ZNF844: variants seen among roughly 807,000 people sequenced by gnomAD.
ZNF844 encodes zinc finger protein 844.
In ZNF844, 11 loss-of-function variants were observed where a neutral mutation model predicts 11.4. That is an observed-to-expected ratio of 0.97 (90% CI 0.61 to 1.60). The LOEUF (loss-of-function observed/expected upper bound fraction) is 1.60. ZNF844 is among the 40% of genes most tolerant of loss of function. The pLI, the probability that ZNF844 is intolerant of heterozygous loss-of-function variation, is 0.00. For missense variants in ZNF844, 790 were observed against 796.8 expected, an observed-to-expected ratio of 0.99 and a Z score of 0.10; for synonymous variants, 248 against 260.3, an observed-to-expected ratio of 0.95 and a Z score of 0.46.
chr19:12,066,538 T>C (rs1223976714), intron 1 of ZNF844, among the ~76,000 whole-genome samples: 1 of 138,352 alleles, frequency 7.2e-6, no homozygotes, highest in Non-Finnish European at 1.6e-5. Flanking sequence ...TTCTTTTTTT[T>C]TTTTTTTTTT....
Position 12,074,377 on chromosome 19 carries a change from C to T in ZNF844, c.147C>T (p.Asp49=), listed in dbSNP as rs1247035519. The change falls in exon 3 of 4, where the codon GAC becomes GAT. Residue 49 remains aspartate, a synonymous_variant. Coordinates refer to ENST00000439326, the MANE Select transcript of ZNF844 (RefSeq NM_001136501.3). Reference sequence around the variant, plus strand: ...GTATTTTAGGAGAAAAATGGAAAGACCAGAACATTGAAGATCAGTACAAAA... The same window carrying T: ...GTATTTTAGGAGAAAAATGGAAAGATCAGAACATTGAAGATCAGTACAAAA... ...NLASIGEKWK[D]QNIEDQYKNP... is the part of the protein sequence containing the mutation. 5 of 1,533,678 alleles carry T rather than the reference C, an allele frequency of 3.3e-6. No homozygotes were observed. Among genetic ancestry groups the T allele is most frequent in the Non-Finnish European group, 3.5e-6 (4 of 1,141,688 alleles).
rs1044628561 is a variant in ZNF844 at position 12,081,162 on chromosome 19, T to C, written c.*4041T>C. On this transcript the variant is annotated 3_prime_UTR_variant, in exon 4 of 4. Transcript: ENST00000439326. The stretch of plus-strand genomic sequence containing the variant: ...CCCTACTTTGTATATTGAGTCAGTA[T>C]GAGATGCGATTTGTTTGGCAAGCAC... 4 of 152,212 alleles carry C rather than the reference T, an allele frequency of 2.6e-5. No individual in the cohort carries two copies. Among genetic ancestry groups the C allele is most frequent in the Non-Finnish European group, 5.9e-5 (4 of 68,052 alleles). 9.4% of individuals were successfully genotyped at this position (152,212 alleles called of 1,614,324 possible).
At chr19:12,072,276 C>T (rs1001508133) in intron 1 of ZNF844, among the ~76,000 whole-genome samples, 5 of 152,200 alleles carry the variant, frequency 3.3e-5, no homozygotes, top group South Asian at 2.1e-4. Context: ...ATGCATACCA[C>T]GTTTTCTTTA....
At position 12,075,906 on chromosome 19, in the gene ZNF844, C is replaced by T. The variant is rs778902146; in HGVS notation, c.786C>T (p.Phe262=). 78 of 1,606,734 alleles carry T rather than the reference C, an allele frequency of 4.9e-5. No homozygotes were observed. The highest frequency in any genetic ancestry group is 2.7e-4 in the African/African-American group (20 of 74,476). ...PYECKECGKA[F]GSPNSLYEHR... ...AATGTAAGGAATGTGGGAAAGCATT[C>T]GGTAGTCCCAATTCCCTTTATGAAC... Residue 262 remains phenylalanine, a synonymous_variant, in exon 4 of 4, where the codon TTC becomes TTT. Coordinates refer to ENST00000439326, the MANE Select transcript of ZNF844 (RefSeq NM_001136501.3).
chr19:12,080,346 CAAAA>C lies in ZNF844; in HGVS notation c.*3242_*3245del, dbSNP rs61413798. The C allele has an allele frequency of 6.1e-3, 1,039 of 170,840 alleles. No individual in the cohort carries two copies. The highest frequency in any genetic ancestry group is 8.5e-3 in the South Asian group (200 of 23,426). 10.6% of individuals were successfully genotyped at this position (170,840 alleles called of 1,614,324 possible). A position where few individuals can be genotyped will look rare whatever the true frequency, so the allele number is the denominator to read the frequency against. ...GCGGCGACAGAGCAAGACTCCGTCT[CAAAA>C]AAAAAAAAAAAAAAAAGAGAAGTCT... On this transcript the variant is annotated 3_prime_UTR_variant, in exon 4 of 4. Transcript: ENST00000439326.
At chr19:12,068,615 A>G (rs2145542587) in intron 1 of ZNF844, among the ~76,000 whole-genome samples, 1 of 152,324 alleles carries the variant, frequency 6.6e-6, no homozygotes, top group East Asian at 1.9e-4. Context: ...CTGGGCAACA[A>G]GAGTGAAACT....
chr19:12,067,744 G>A (rs1397256858), intron 1 of ZNF844, among the ~76,000 whole-genome samples: 2 of 150,570 alleles, frequency 1.3e-5, no homozygotes, highest in Admixed American at 6.7e-5. Context: ...GTGGAACTCC[G>A]TCTCTACTAA....
chr19:12,076,099 C>T lies in ZNF844; in HGVS notation c.979C>T (p.His327Tyr), dbSNP rs1975811489. The T allele has an allele frequency of 6.4e-7, 1 of 1,566,856 alleles. No homozygotes were observed. The highest frequency in any genetic ancestry group is 1.2e-5 in the South Asian group (1 of 86,400). ...AFKCPSYLCR[H>Y]EVTHSGKKPC... ...CAAGTGTCCCAGTTATCTTTGTAGA[C>T]ATGAAGTGACCCACTCTGGGAAAAA... is the stretch of plus-strand genomic sequence containing the variant. The change falls in exon 4 of 4, where the codon CAT (histidine) becomes TAT (tyrosine). Residue 327 changes from histidine (H) to tyrosine (Y), a missense_variant. His to Tyr is a moderately conservative substitution (Grantham distance 83). This residue lies in a region of ZNF844 where 657 missense variants were observed against 636.2 expected (regional missense o/e 1.03). Coordinates refer to ENST00000439326, the MANE Select transcript of ZNF844 (RefSeq NM_001136501.3).
Position 12,074,426 on chromosome 19 carries a change from T to C in ZNF844, c.191+5T>C, listed in dbSNP as rs1568359893. The C allele has an allele frequency of 6.5e-7, 1 of 1,530,950 alleles. No individual in the cohort carries two copies. The highest frequency in any genetic ancestry group is 8.8e-7 in the Non-Finnish European group (1 of 1,138,346). The allele number at this position is 1,530,950 out of a possible 1,614,324, so 94.8% of individuals were successfully genotyped here. ...AAATCCCAGGAATAATCTAAGGTGA[T>C]TTAAACTCACGAGACAAAGCAATGT... On this transcript the variant is annotated splice_donor_5th_base_variant and intron_variant, in intron 3 of 3. Coordinates refer to ENST00000439326, the MANE Select transcript of ZNF844 (RefSeq NM_001136501.3).
At position 12,076,929 on chromosome 19, in the gene ZNF844, C is replaced by T; in HGVS notation, c.1809C>T (p.Tyr603=). The T allele has an allele frequency of 6.3e-7, 1 of 1,597,760 alleles. No individual in the cohort carries two copies. The highest frequency in any genetic ancestry group is 1.1e-5 in the South Asian group (1 of 88,732). The change falls in exon 4 of 4, where the codon TAC becomes TAT. Residue 603 remains tyrosine, a synonymous_variant. Coordinates refer to ENST00000439326, the MANE Select transcript of ZNF844 (RefSeq NM_001136501.3). ...CATATCTGCCAAGATCCTTCGAGTA[C>T]ATGCAAGAACACACCCTGGAGAGAA... is the stretch of plus-strand genomic sequence containing the variant. The part of the protein sequence containing the change: ...KHSYLPRSFE[Y]MQEHTLERNP...
intron 1 of ZNF844, among the ~76,000 whole-genome samples, chr19:12,073,618 A>C (rs1282297338): frequency 6.6e-6 from 1 of 151,862 alleles, no homozygotes; most frequent in African/African-American, 2.4e-5. Flanking sequence ...CTTCCAGGTA[A>C]TCTTCAATGG....
rs1174875699 is a variant in ZNF844, at chr19:12,075,744, T to C, written c.624T>C (p.Cys208=). ...AGTTTTGTGGGAAAGCCTGCCCTTG[T>C]CTCAGCATATATCTTATACATGAAC... ...KCKFCGKACP[C]LSIYLIHERV... Residue 208 remains cysteine, a synonymous_variant, in exon 4 of 4, where the codon TGT becomes TGC. Coordinates refer to ENST00000439326, the MANE Select transcript of ZNF844 (RefSeq NM_001136501.3). The C allele has an allele frequency of 6.2e-6, 10 of 1,613,994 alleles. No individual in the cohort carries two copies. The highest frequency in any genetic ancestry group is 8.5e-6 in the Non-Finnish European group (10 of 1,179,962).
Position 12,081,044 on chromosome 19 carries a change from T to C in ZNF844, c.*3923T>C, listed in dbSNP as rs756838217. ...TGCTGGGATTATAGGCGTGATCCACTGTGCCTGGCCTGGTGTTTCTTTAGG... is the reference window on the plus strand; with the variant it reads ...TGCTGGGATTATAGGCGTGATCCACCGTGCCTGGCCTGGTGTTTCTTTAGG... On this transcript the variant is annotated 3_prime_UTR_variant, in exon 4 of 4. Coordinates refer to ENST00000439326, the MANE Select transcript of ZNF844 (RefSeq NM_001136501.3). 3.3e-5 allele frequency: 5 copies of C among 152,296 alleles called. No individual in the cohort carries two copies. Among genetic ancestry groups the C allele is most frequent in the Non-Finnish European group, 7.3e-5 (5 of 68,080 alleles). 9.4% of individuals were successfully genotyped at this position (152,296 alleles called of 1,614,324 possible).
Position 12,064,876 on chromosome 19 carries a change from GGTGA to G in ZNF844, c.3+4_3+7del. The G allele has an allele frequency of 6.5e-7, 1 of 1,550,078 alleles. No individual in the cohort carries two copies. The highest frequency in any genetic ancestry group is 8.7e-7 in the Non-Finnish European group (1 of 1,146,572). On this transcript the variant is annotated splice_donor_variant and splice_donor_region_variant and intron_variant, in intron 1 of 3. Coordinates refer to ENST00000439326, the MANE Select transcript of ZNF844 (RefSeq NM_001136501.3). LOFTEE classifies it high-confidence loss of function. ...GGGAGTCACCTGAAAGCCAGGAAAT[GGTGA>G]GTGTGAGCCCCCGCTGGGAGTCCCG...
rs1383707822 is a variant in ZNF844 at position 12,078,575 on chromosome 19, T to C, written c.*1454T>C. ...AAAATCCCAGGCATCTTTTTCCTCATGTAAATTTTAATTTTCATGCTTATA... is the reference window on the plus strand; with the variant it reads ...AAAATCCCAGGCATCTTTTTCCTCACGTAAATTTTAATTTTCATGCTTATA... On this transcript the variant is annotated 3_prime_UTR_variant, in exon 4 of 4. Coordinates refer to ENST00000439326, the MANE Select transcript of ZNF844 (RefSeq NM_001136501.3). The C allele has an allele frequency of 2.6e-5, 4 of 152,254 alleles. No homozygotes were observed. The highest frequency in any genetic ancestry group is 2.1e-4 in the South Asian group (1 of 4,832). The allele number at this position is 152,254 out of a possible 1,614,324, so 9.4% of individuals were successfully genotyped here. A position where few individuals can be genotyped will look rare whatever the true frequency, so the allele number is the denominator to read the frequency against.
At position 12,077,091 on chromosome 19, in the gene ZNF844, C is replaced by A; in HGVS notation, c.1971C>A (p.Phe657Leu). The A allele has an allele frequency of 1.3e-6, 2 of 1,596,178 alleles. No individual in the cohort carries two copies. The highest frequency in any genetic ancestry group is 1.7e-6 in the Non-Finnish European group (2 of 1,170,774). ...AGCATTCAGTTTGCCTGGTTCCTTT[C>A]GTAGACATAAAAGGGCTCACACTGG... is the stretch of plus-strand genomic sequence containing the variant. Reference protein sequence around the residue: ...VGKHSVCLVPFVDIKGLTLE With the variant: ...VGKHSVCLVPLVDIKGLTLE Residue 657 changes from phenylalanine (F) to leucine (L), a missense_variant, in exon 4 of 4, where the codon TTC becomes TTA. Physicochemically the swap from Phe to Leu is conservative, Grantham distance 22. This residue lies in a region of ZNF844 where 657 missense variants were observed against 636.2 expected (regional missense o/e 1.03). Coordinates refer to ENST00000439326, the MANE Select transcript of ZNF844 (RefSeq NM_001136501.3).
intron 1 of ZNF844, among the ~76,000 whole-genome samples, chr19:12,070,639 G>T (rs1315629654): frequency 6.6e-6 from 1 of 152,172 alleles, no homozygotes; most frequent in Non-Finnish European, 1.5e-5. Context: ...ATGAATTAGG[G>T]TCTCAAGTCT....
At position 12,075,333 on chromosome 19, in the gene ZNF844, T is replaced by A; in HGVS notation, c.213T>A (p.Val71=). ...NNLRSLLGER[V]DENTEENHCG... ...ACAGAAGTCTTCTGGGAGAGAGAGT[T>A]GATGAAAATACAGAAGAAAATCATT... The change falls in exon 4 of 4, where the codon GTT becomes GTA. Residue 71 remains valine (V), a synonymous_variant. Coordinates refer to ENST00000439326, the MANE Select transcript of ZNF844 (RefSeq NM_001136501.3). 2 of 1,464,172 alleles carry A rather than the reference T, an allele frequency of 1.4e-6. No individual in the cohort carries two copies. Among genetic ancestry groups the A allele is most frequent in the South Asian group, 2.9e-5 (2 of 69,234 alleles). 90.7% of individuals were successfully genotyped at this position (1,464,172 alleles called of 1,614,324 possible).
Position 12,076,768 on chromosome 19 carries a change from A to G in ZNF844, c.1648A>G (p.Met550Val), listed in dbSNP as rs1568361386. ...GGATCTGTCAGAAACCTTCAAATTCATGAAAAGACACACCCTGGAGAGAAA... is the reference window on the plus strand; with the variant it reads ...GGATCTGTCAGAAACCTTCAAATTCGTGAAAAGACACACCCTGGAGAGAAA... ...PLDLSETFKF[M>V]KRHTLERNPI... The change falls in exon 4 of 4, where the codon ATG becomes GTG. Residue 550 changes from methionine to valine, a missense_variant. Coordinates refer to ENST00000439326, the MANE Select transcript of ZNF844 (RefSeq NM_001136501.3). The G allele has an allele frequency of 6.3e-7, 1 of 1,588,628 alleles. No homozygotes were observed. Among genetic ancestry groups the G allele is most frequent in the Non-Finnish European group, 8.6e-7 (1 of 1,166,792 alleles).
Sources: gnomAD v4.1 joint callset for allele counts (sites outside exome capture counted in the v4.1 genomes callset) on GRCh38, gnomAD v4.1.1 for gene constraint, gnomAD v4.1.1 regional missense constraint, MANE v1.5 for transcripts, NCBI Gene and HGNC (gene_info 2026-07-23, HGNC 2026-07-21) for gene names.